MAGI2: variants seen among roughly 807,000 people sequenced by gnomAD.
MAGI2 encodes membrane-associated guanylate kinase, WW and PDZ domain-containing protein 2.
A neutral mutation model predicts 133.3 loss-of-function variants in MAGI2; 35 were observed. The observed-to-expected ratio is 0.26, with a 90% CI of 0.20 to 0.35. The LOEUF is 0.35. Among genes scored for constraint, MAGI2 ranks in the 10% least tolerant of loss-of-function variants. MAGI2 has a pLI of 1.00. For missense variants in MAGI2, 1,636 were observed against 1,863.4 expected (o/e 0.88, Z 2.25); for synonymous variants, 729 against 710.6 (o/e 1.03, Z -0.41).
intron 1 of MAGI2, among the ~76,000 whole-genome samples, chr7:79,176,564 T>C (rs1259196019): frequency 6.6e-6 from 1 of 152,040 alleles, no homozygotes; most frequent in Admixed American, 6.6e-5. Context: ...TTTTGGATTT[T>C]ATTATCATAA....
chr7:78,593,209 G>A (rs1804228882), intron 3 of MAGI2, among the ~76,000 whole-genome samples: 1 of 151,506 alleles, frequency 6.6e-6, no homozygotes, highest in African/African-American at 2.4e-5. Context: ...TGGCTAACAC[G>A]GTGAAACCCT....
intron 10 of MAGI2, among the ~76,000 whole-genome samples, chr7:78,227,726 C>T (rs963171048): frequency 1.3e-5 from 2 of 151,936 alleles, no homozygotes; most frequent in Admixed American, 6.6e-5. Context: ...AATATAATTT[C>T]CCCCCTTCTT....
chr7:78,655,463 A>AC (rs1563304997), intron 2 of MAGI2, among the ~76,000 whole-genome samples: 1 of 145,704 alleles, frequency 6.9e-6, no homozygotes, highest in Non-Finnish European at 1.5e-5. Flanking sequence ...CCAAAAAAAA[A>AC]AAAAAAAAAA....
chr7:79,332,121 C>T (rs1285095148), intron 1 of MAGI2, among the ~76,000 whole-genome samples: 2 of 152,094 alleles, frequency 1.3e-5, no homozygotes, highest in Admixed American at 1.3e-4. Context: ...TTAACATTCC[C>T]ACTGAATTTC....
At chr7:78,203,050 T>C (rs1193354677) in intron 10 of MAGI2, among the ~76,000 whole-genome samples, 2 of 152,238 alleles carry the variant, frequency 1.3e-5, no homozygotes, top group Admixed American at 6.5e-5. Flanking sequence ...TGATTGACCA[T>C]TGTCTTCAGT....
intron 8 of MAGI2, among the ~76,000 whole-genome samples, chr7:78,344,977 T>C (rs915278887): frequency 6.6e-6 from 1 of 152,216 alleles, no homozygotes; most frequent in African/African-American, 2.4e-5. Flanking sequence ...GTGGTCTGAC[T>C]TAATATTTTT....
At chr7:78,685,993 T>C (rs1404742600) in intron 2 of MAGI2, among the ~76,000 whole-genome samples, 4 of 141,954 alleles carry the variant, frequency 2.8e-5, no homozygotes, top group Non-Finnish European at 4.6e-5. Context: ...TTTTTGTCAA[T>C]AGCATGCTTT....
intron 1 of MAGI2, among the ~76,000 whole-genome samples, chr7:79,285,397 A>G (rs1835925770): frequency 6.6e-6 from 1 of 152,096 alleles, no homozygotes; most frequent in African/African-American, 2.4e-5. Flanking sequence ...TATGATATAC[A>G]TTCAATTTTT....
chr7:78,145,031 T>C (rs1318985423), intron 16 of MAGI2, among the ~76,000 whole-genome samples: 1 of 152,166 alleles, frequency 6.6e-6, no homozygotes, highest in Non-Finnish European at 1.5e-5. Flanking sequence ...TTGAAGCATA[T>C]CCTACAGCAG....
At chr7:78,812,619 T>C (rs916475348) in intron 2 of MAGI2, among the ~76,000 whole-genome samples, 1 of 151,824 alleles carries the variant, frequency 6.6e-6, no homozygotes, top group African/African-American at 2.4e-5. Context: ...TGTGTGTACA[T>C]ATATATATAT....
chr7:79,094,959 T>C (rs1255859095), intron 1 of MAGI2, among the ~76,000 whole-genome samples: 1 of 152,172 alleles, frequency 6.6e-6, no homozygotes, highest in African/African-American at 2.4e-5. Context: ...TAGCTTCAAT[T>C]TGAAGTCATC....
At chr7:78,811,563 T>C (rs184696426) in intron 2 of MAGI2, among the ~76,000 whole-genome samples, 1 of 152,338 alleles carries the variant, frequency 6.6e-6, no homozygotes, top group Admixed American at 6.5e-5. Flanking sequence ...TTTTCCACAT[T>C]ACTAAGATTA....
chr7:79,036,958 C>T (rs1191179227), intron 1 of MAGI2, among the ~76,000 whole-genome samples: 1 of 152,162 alleles, frequency 6.6e-6, no homozygotes, highest in Non-Finnish European at 1.5e-5. Context: ...AACAAGACGC[C>T]TGCCTTTCGT....
At chr7:79,370,602 T>C (rs919051353) in intron 1 of MAGI2, among the ~76,000 whole-genome samples, 2 of 151,230 alleles carry the variant, frequency 1.3e-5, no homozygotes, top group African/African-American at 2.4e-5. Context: ...AGGTTTCACG[T>C]TTCAGAAAGA....
chr7:79,379,111 T>C (rs1171193107), intron 1 of MAGI2, among the ~76,000 whole-genome samples: 5 of 136,286 alleles, frequency 3.7e-5, no homozygotes, highest in African/African-American at 1.1e-4. Flanking sequence ...CCCTCCCTCC[T>C]CCCCCCCACC....
At chr7:78,072,853 G>T (rs766815451) in intron 21 of MAGI2, 9 of 398,264 alleles carry the variant, frequency 2.3e-5, no homozygotes, top group Non-Finnish European at 4.0e-5. Context: ...TAGAGACAAG[G>T]TCTCCCTATG....
chr7:79,000,059 G>C (rs1180049704), intron 2 of MAGI2: 1 of 152,184 alleles, frequency 6.6e-6, no homozygotes, highest in African/African-American at 2.4e-5. Flanking sequence ...TACAGCTGTT[G>C]CAATATGTGG....
intron 1 of MAGI2, among the ~76,000 whole-genome samples, chr7:79,369,629 A>G (rs1298771900): frequency 1.3e-5 from 2 of 152,198 alleles, no homozygotes; most frequent in East Asian, 3.9e-4. Context: ...ACTCCAGCAC[A>G]ACTTAAAATT....
intron 1 of MAGI2, among the ~76,000 whole-genome samples, chr7:79,290,522 C>T (rs895004141): frequency 1.3e-5 from 2 of 151,850 alleles, no homozygotes; most frequent in Non-Finnish European, 2.9e-5. Context: ...CCATTGATGC[C>T]AAAAAATAAA....
Sources: gnomAD v4.1 joint callset for allele counts (sites outside exome capture counted in the v4.1 genomes callset) on GRCh38, gnomAD v4.1.1 for gene constraint, MANE v1.5 for transcripts, NCBI Gene and HGNC (gene_info 2026-07-23, HGNC 2026-07-21) for gene names.